Variants in CSMD1 observed in about 807,000 individuals in gnomAD.
CSMD1 encodes CUB and sushi domain-containing protein 1.
A neutral mutation model predicts 417.5 loss-of-function variants in CSMD1; 213 were observed. The observed-to-expected ratio is 0.51, with a 90% CI of 0.46 to 0.57. The LOEUF (loss-of-function observed/expected upper bound fraction) is 0.57, where lower values mean the gene tolerates loss of function less well. Among genes scored for constraint, CSMD1 ranks in the 20% least tolerant of loss-of-function variants. The pLI, the probability that CSMD1 is intolerant of heterozygous loss-of-function variation, is 0.00. For synonymous variants in CSMD1, 2,862 were observed against 1,736.8 expected (o/e 1.65, Z -16.11); for missense variants, 6,923 against 4,529.7 (o/e 1.53, Z -15.17).
At chr8:4,394,006 A>G (rs1307013660) in intron 3 of CSMD1, among the ~76,000 whole-genome samples, 3 of 152,234 alleles carry the variant, frequency 2.0e-5, no homozygotes, top group South Asian at 2.1e-4. Context: ...CAACACATAT[A>G]TAGCATGGCT....
intron 3 of CSMD1, among the ~76,000 whole-genome samples, chr8:4,418,235 T>C (rs1797053439): frequency 6.6e-6 from 1 of 152,154 alleles, no homozygotes; most frequent in Non-Finnish European, 1.5e-5. Context: ...CATAGCCACA[T>C]TAAAAAATAA....
intron 3 of CSMD1, among the ~76,000 whole-genome samples, chr8:4,161,830 A>T (rs1251929463): frequency 6.6e-6 from 1 of 152,186 alleles, no homozygotes; most frequent in Non-Finnish European, 1.5e-5. Context: ...GCTATATGAT[A>T]TGTCACTGCA....
chr8:3,104,241 T>C (rs1377149725), intron 46 of CSMD1, among the ~76,000 whole-genome samples: 1 of 152,190 alleles, frequency 6.6e-6, no homozygotes, highest in African/African-American at 2.4e-5. Flanking sequence ...GAACACTTTT[T>C]ATATCCCCCC....
chr8:3,204,358 T>G (rs1236769126), intron 31 of CSMD1, among the ~76,000 whole-genome samples: 2 of 151,842 alleles, frequency 1.3e-5, no homozygotes, highest in Admixed American at 1.3e-4. Context: ...AACAGAAGAC[T>G]TTTTTGTGAT....
chr8:4,956,846 G>C (rs1312374749), intron 1 of CSMD1, among the ~76,000 whole-genome samples: 4 of 152,138 alleles, frequency 2.6e-5, no homozygotes, highest in African/African-American at 9.7e-5. Flanking sequence ...TCCTGCAGAA[G>C]TCAGTGTGAA....
rs1305228942 is a variant in CSMD1, at chr8:4,223,046, C to G, written c.416-190947G>C. On this transcript the variant is annotated intron_variant, in intron 3 of 69. Coordinates refer to ENST00000635120, the MANE Select transcript of CSMD1 (RefSeq NM_033225.6). ...ATAAGAAGAACTGACAACAGGCTTC[C>G]TACATTGGACATTGGAGAGCTGCCT... 3.3e-5 allele frequency among the ~76,000 whole-genome samples: 5 copies of G among 152,086 alleles called. No individual in the cohort carries two copies. The South Asian group carries it at 6.3e-4, about 19-fold the overall frequency.
At chr8:4,922,641 C>G (rs965343164) in intron 1 of CSMD1, among the ~76,000 whole-genome samples, 29 of 152,142 alleles carry the variant, frequency 1.9e-4, no homozygotes, top group Admixed American at 3.3e-4. Context: ...CACATCTTGT[C>G]CACAGTTCAC....
At chr8:4,489,973 G>T (rs1235904092) in intron 2 of CSMD1, among the ~76,000 whole-genome samples, 1 of 151,596 alleles carries the variant, frequency 6.6e-6, no homozygotes, top group African/African-American at 2.4e-5. Context: ...GGAAGTGAAT[G>T]CCAATTGCCT....
rs572275038 is a variant in CSMD1 at position 3,227,632 on chromosome 8, G to T, written c.4345+2408C>A. Among the ~76,000 whole-genome samples the T allele has an allele frequency of 2.0e-5, 3 of 152,212 alleles. No individual in the cohort carries two copies. In the South Asian group the frequency reaches 6.2e-4, roughly 32 times the overall value. ...AGAGAGTGGCATCAGTGGTGTAGTT[G>T]TGCCTTCTAAAAAGATTTAGTCACT... is the stretch of plus-strand genomic sequence containing the variant. On this transcript the variant is annotated intron_variant, in intron 27 of 69. Coordinates refer to ENST00000635120, the MANE Select transcript of CSMD1 (RefSeq NM_033225.6).
rs1405005755 is a variant in CSMD1, at chr8:3,394,018, A to AAATTT, written c.2593+2175_2593+2176insAAATT. Among the ~76,000 whole-genome samples, 36 of 61,474 alleles carry AAATTT rather than the reference A, an allele frequency of 5.9e-4. 1 individual carries two copies. Among genetic ancestry groups the AAATTT allele is most frequent in the South Asian group, 2.7e-3 (4 of 1,490 alleles). 40.3% of individuals were successfully genotyped at this position (61,474 alleles called of 152,430 possible). A position where few individuals can be genotyped will look rare whatever the true frequency, so the allele number is the denominator to read the frequency against. Reference sequence around the variant, plus strand: ...ATAATAATAAAAAAATAAATTATATATATATATATATATATATATATATAT... The same window carrying AAATTT: ...ATAATAATAAAAAAATAAATTATATAAATTTTATATATATATATATATATATATAT... On this transcript the variant is annotated intron_variant, in intron 17 of 69. Transcript: ENST00000635120.
At chr8:3,480,834 C>A (rs1341334847) in intron 11 of CSMD1, among the ~76,000 whole-genome samples, 1 of 152,020 alleles carries the variant, frequency 6.6e-6, no homozygotes, top group East Asian at 1.9e-4. Flanking sequence ...AAAAAATTAT[C>A]AGGCGTATAA....
intron 3 of CSMD1, among the ~76,000 whole-genome samples, chr8:4,282,439 C>T (rs1046113526): frequency 1.3e-5 from 2 of 152,156 alleles, no homozygotes; most frequent in African/African-American, 4.8e-5. Context: ...AAGCAAGGTC[C>T]TATTGCCAGA....
At chr8:4,801,723 C>G (rs377545129) in intron 1 of CSMD1, among the ~76,000 whole-genome samples, 1 of 151,520 alleles carries the variant, frequency 6.6e-6, no homozygotes, top group African/African-American at 2.4e-5. Flanking sequence ...CCCACCACCC[C>G]ACATTAATAA....
chr8:3,964,641 T>A (rs557717712), intron 5 of CSMD1, among the ~76,000 whole-genome samples: 1 of 152,316 alleles, frequency 6.6e-6, no homozygotes, highest in Admixed American at 6.5e-5. Flanking sequence ...ATATTTAAAT[T>A]TGCTATTCAA....
intron 49 of CSMD1, among the ~76,000 whole-genome samples, chr8:3,074,896 A>G (rs1202266171): frequency 1.3e-5 from 2 of 152,168 alleles, no homozygotes; most frequent in East Asian, 3.8e-4. Flanking sequence ...GTCCCCACTC[A>G]AATCTCATGT....
At chr8:3,810,559 T>C (rs1329848067) in intron 5 of CSMD1, among the ~76,000 whole-genome samples, 1 of 152,110 alleles carries the variant, frequency 6.6e-6, no homozygotes, top group Non-Finnish European at 1.5e-5. Flanking sequence ...CAACCGAGGG[T>C]CAGTCTACAA....
intron 4 of CSMD1, among the ~76,000 whole-genome samples, chr8:4,021,459 T>C (rs1197536927): frequency 6.6e-6 from 1 of 152,162 alleles, no homozygotes; most frequent in Non-Finnish European, 1.5e-5. Context: ...GACCTGGCTT[T>C]TGTTGGTTAA....
chr8:4,491,948 C>T (rs1222911891), intron 2 of CSMD1, among the ~76,000 whole-genome samples: 1 of 150,960 alleles, frequency 6.6e-6, no homozygotes, highest in Non-Finnish European at 1.5e-5. Flanking sequence ...TTCATAATTG[C>T]CAAAAATTGG....
At chr8:3,548,888 C>T (rs1473801711) in intron 10 of CSMD1, among the ~76,000 whole-genome samples, 1 of 152,096 alleles carries the variant, frequency 6.6e-6, no homozygotes, top group African/African-American at 2.4e-5. Flanking sequence ...ACCCCGAGTC[C>T]ACATCCTCCC....
Sources: allele counts gnomAD v4.1 joint callset (sites outside exome capture counted in the v4.1 genomes callset), GRCh38; gene constraint gnomAD v4.1.1; transcripts MANE v1.5; gene names NCBI Gene and HGNC (gene_info 2026-07-23, HGNC 2026-07-21).